Variants in ADGRB3 observed in about 807,000 individuals in gnomAD.
ADGRB3 encodes the protein adhesion G protein-coupled receptor B3.
In ADGRB3, 37 loss-of-function variants were observed where a neutral mutation model predicts 193.4. That is an observed-to-expected ratio of 0.19 (90% CI 0.15 to 0.25). The LOEUF (loss-of-function observed/expected upper bound fraction) is 0.25. Among genes scored for constraint, ADGRB3 ranks in the 10% least tolerant of loss-of-function variants. The pLI is 1.00. For synonymous variants in ADGRB3, 690 were observed against 644.2 expected (o/e 1.07, Z -1.08); for missense variants, 1,637 against 1,852.9 (o/e 0.88, Z 2.14).
At chr6:69,066,696 G>T (rs1771920409) in intron 16 of ADGRB3, among the ~76,000 whole-genome samples, 1 of 151,866 alleles carries the variant, frequency 6.6e-6, no homozygotes, top group Non-Finnish European at 1.5e-5. Flanking sequence ...TAGGGTATAT[G>T]GTCTTTAGTG....
intron 3 of ADGRB3, among the ~76,000 whole-genome samples, chr6:68,786,534 C>G (rs1015904957): frequency 2.0e-5 from 3 of 152,132 alleles, no homozygotes; most frequent in African/African-American, 7.2e-5. Flanking sequence ...GGTACCAGTA[C>G]CATGCTGTTT....
intron 20 of ADGRB3, among the ~76,000 whole-genome samples, chr6:69,254,807 C>G (rs1486521384): frequency 6.6e-6 from 1 of 150,940 alleles, no homozygotes; most frequent in African/African-American, 2.4e-5. Context: ...GCTGCACCCA[C>G]TAACTCGTCA....
chr6:68,762,823 C>A (rs1475280687), intron 3 of ADGRB3, among the ~76,000 whole-genome samples: 1 of 152,004 alleles, frequency 6.6e-6, no homozygotes, highest in Admixed American at 6.6e-5. Context: ...TCTCAAAAAA[C>A]CTGCTAAGTG....
At chr6:68,753,719 A>T (rs1209156959) in intron 3 of ADGRB3, among the ~76,000 whole-genome samples, 1 of 152,112 alleles carries the variant, frequency 6.6e-6, no homozygotes, top group East Asian at 1.9e-4. Context: ...AAGTAAAGAA[A>T]AATTATTTTT....
chr6:69,148,885 T>C (rs1052108491), intron 17 of ADGRB3, among the ~76,000 whole-genome samples: 2 of 152,202 alleles, frequency 1.3e-5, no homozygotes, highest in Non-Finnish European at 2.9e-5. Flanking sequence ...TAAGGTTTCA[T>C]TGAAAAGTCT....
chr6:69,003,795 G>C (rs534362513), intron 11 of ADGRB3, among the ~76,000 whole-genome samples: 2 of 152,190 alleles, frequency 1.3e-5, no homozygotes, highest in East Asian at 3.9e-4. Flanking sequence ...AAATCCTACC[G>C]TGAACGAATC....
chr6:68,923,848 C>CA (rs1767111056), intron 3 of ADGRB3, among the ~76,000 whole-genome samples: 1 of 152,000 alleles, frequency 6.6e-6, no homozygotes, highest in Admixed American at 6.6e-5. Flanking sequence ...CATCCAGGGA[C>CA]AATTCAGTTT....
At chr6:68,788,186 C>T (rs1406540787) in intron 3 of ADGRB3, among the ~76,000 whole-genome samples, 4 of 152,018 alleles carry the variant, frequency 2.6e-5, no homozygotes, top group African/African-American at 9.7e-5. Context: ...TTATTTCTTG[C>T]CTTCTGCTAG....
chr6:68,809,944 T>C (rs981275954), intron 3 of ADGRB3, among the ~76,000 whole-genome samples: 1 of 152,198 alleles, frequency 6.6e-6, no homozygotes, highest in Non-Finnish European at 1.5e-5. Flanking sequence ...GAAAAGTTCA[T>C]TTTTACTTTT....
chr6:68,837,888 A>G (rs540726406), intron 3 of ADGRB3, among the ~76,000 whole-genome samples: 1 of 152,214 alleles, frequency 6.6e-6, no homozygotes, highest in East Asian at 1.9e-4. Flanking sequence ...TATTTATAGT[A>G]GGAACTACCA....
chr6:69,356,000 A>C, intron 28 of ADGRB3, 140 bp downstream of exon 28: 2 of 623,398 alleles, frequency 3.2e-6, no homozygotes, highest in Non-Finnish European at 5.2e-6. Flanking sequence ...CAGCCCCCAA[A>C]TGCCAAAGGA....
At chr6:68,774,598 G>A (rs1355614084) in intron 3 of ADGRB3, among the ~76,000 whole-genome samples, 2 of 151,816 alleles carry the variant, frequency 1.3e-5, no homozygotes, top group Non-Finnish European at 2.9e-5. Flanking sequence ...TTAGCATGCT[G>A]CCTTTTTATA....
At chr6:68,876,913 T>G (rs1765609859) in intron 3 of ADGRB3, among the ~76,000 whole-genome samples, 1 of 152,128 alleles carries the variant, frequency 6.6e-6, no homozygotes, top group African/African-American at 2.4e-5. Context: ...TATAAATATT[T>G]TGTACACACC....
intron 3 of ADGRB3, among the ~76,000 whole-genome samples, chr6:68,890,311 A>G (rs1469454709): frequency 1.3e-5 from 2 of 152,202 alleles, no homozygotes; most frequent in Non-Finnish European, 2.9e-5. Flanking sequence ...AATCCTTCAA[A>G]TACTGTTGCC....
chr6:69,189,273 T>A (rs1765136846), intron 17 of ADGRB3, among the ~76,000 whole-genome samples: 1 of 152,208 alleles, frequency 6.6e-6, no homozygotes, highest in African/African-American at 2.4e-5. Flanking sequence ...TTCCAGTATT[T>A]CTAGGTCAAT....
chr6:69,274,857 C>T (rs1040027162), intron 20 of ADGRB3, among the ~76,000 whole-genome samples: 2 of 152,046 alleles, frequency 1.3e-5, no homozygotes, highest in Non-Finnish European at 2.9e-5. Flanking sequence ...AATAAAACAT[C>T]AATGGAAACT....
At chr6:69,281,409 G>C (rs1425321613) in intron 20 of ADGRB3, among the ~76,000 whole-genome samples, 1 of 152,088 alleles carries the variant, frequency 6.6e-6, no homozygotes, top group Admixed American at 6.5e-5. Flanking sequence ...GGAAACCTTT[G>C]GTGTTCTGAG....
rs145178367 is a variant in ADGRB3 at position 69,043,290 on chromosome 6, GAGAAAGAAAGAAAGAA to G, written c.2108-4867_2108-4852del. ...GGAAAGAAAAGGAAAGGAAGAAAGA[GAGAAAGAAAGAAAGAA>G]AGAAAGAAAGAAAGAAAGAAAGAAA... On this transcript the variant is annotated intron_variant, in intron 13 of 31. Transcript: ENST00000370598. Among the ~76,000 whole-genome samples, 156 of 88,088 alleles carry G rather than the reference GAGAAAGAAAGAAAGAA, an allele frequency of 1.8e-3. 1 individual carries two copies. The highest frequency in any genetic ancestry group is 6.8e-3 in the Middle Eastern group (1 of 148). 57.8% of individuals were successfully genotyped at this position (88,088 alleles called of 152,430 possible).
intron 20 of ADGRB3, among the ~76,000 whole-genome samples, chr6:69,248,778 C>T (rs1247177339): frequency 6.6e-6 from 1 of 152,130 alleles, no homozygotes; most frequent in Non-Finnish European, 1.5e-5. Flanking sequence ...ATGTGCATAC[C>T]AACAGAACAA....
Sources: gnomAD v4.1 joint callset for allele counts (sites outside exome capture counted in the v4.1 genomes callset) on GRCh38, gnomAD v4.1.1 for gene constraint, MANE v1.5 for transcripts, NCBI Gene and HGNC (gene_info 2026-07-23, HGNC 2026-07-21) for gene names.